EIF4EBP1: variants seen among roughly 807,000 people sequenced by gnomAD.
EIF4EBP1 encodes eukaryotic translation initiation factor 4E binding protein 1.
In EIF4EBP1, 5 loss-of-function variants were observed where a neutral mutation model predicts 9.2. The ratio of observed to expected loss-of-function variants is 0.54; its 90% CI spans 0.28 to 1.14. EIF4EBP1 has a LOEUF of 1.14. Ranked by LOEUF, EIF4EBP1 falls within the 50% of genes most tolerant of loss-of-function variation. EIF4EBP1 has a pLI of 0.09. For missense variants in EIF4EBP1, 139 were observed against 169.6 expected (o/e 0.82, Z 1.00); for synonymous variants, 62 against 67.0 (o/e 0.93, Z 0.36).
At chr8:38,050,203 C>T (rs1399273772) in intron 1 of EIF4EBP1, among the ~76,000 whole-genome samples, 10 of 152,190 alleles carry the variant, frequency 6.6e-5, no homozygotes, top group African/African-American at 2.2e-4. Flanking sequence ...TGAACCACTG[C>T]ACCCGGCCTC....
intron 1 of EIF4EBP1, among the ~76,000 whole-genome samples, chr8:38,046,714 T>TG (rs1809453623): frequency 6.6e-6 from 1 of 152,150 alleles, no homozygotes; most frequent in South Asian, 2.1e-4. Context: ...TCGTCGCCAA[T>TG]CTGGAGAAGC....
intron 1 of EIF4EBP1, 53 bp downstream of exon 1, chr8:38,030,771 TCGGGAATCGCGGATTGGAC>T: frequency 7.3e-7 from 1 of 1,372,920 alleles, no homozygotes; most frequent in Non-Finnish European, 9.3e-7. Context: ...GGCGGGAGGA[TCGGGAATCGCGGATTGGAC>T]CGGGTGTCCA....
chr8:38,032,496 T>G (rs1490088744), intron 1 of EIF4EBP1, among the ~76,000 whole-genome samples: 2 of 152,168 alleles, frequency 1.3e-5, no homozygotes, highest in Non-Finnish European at 2.9e-5. Flanking sequence ...CGAGACCCTA[T>G]CTCTAAAATA....
chr8:38,044,756 A>G (rs1258180714), intron 1 of EIF4EBP1, among the ~76,000 whole-genome samples: 2 of 152,136 alleles, frequency 1.3e-5, no homozygotes, highest in African/African-American at 4.8e-5. Flanking sequence ...AGTAGGAGGC[A>G]TTTAGGATTG....
intron 1 of EIF4EBP1, among the ~76,000 whole-genome samples, chr8:38,044,698 C>T (rs1809428458): frequency 1.3e-5 from 2 of 152,178 alleles, no homozygotes; most frequent in African/African-American, 2.4e-5. Flanking sequence ...CCTTGGCCTC[C>T]CAAAGCATTG....
At chr8:38,049,084 C>T (rs1809483013) in intron 1 of EIF4EBP1, among the ~76,000 whole-genome samples, 1 of 148,904 alleles carries the variant, frequency 6.7e-6, no homozygotes, top group Non-Finnish European at 1.5e-5. Flanking sequence ...GAGATTGCGC[C>T]ATTGCACTCC....
chr8:38,036,516 A>G (rs1349474995), intron 1 of EIF4EBP1, among the ~76,000 whole-genome samples: 1 of 152,184 alleles, frequency 6.6e-6, no homozygotes, highest in East Asian at 1.9e-4. Flanking sequence ...AAAAGACCAA[A>G]AAAGTCCTTC....
chr8:38,030,564 A>G lies in EIF4EBP1; in HGVS notation c.-10A>G, dbSNP rs2130374199. ...AGCGAGAGGTTCGCGGGTGCAGCGC[A>G]CAGGAGACCATGTCCGGGGGCAGCA... On this transcript the variant is annotated 5_prime_UTR_variant, in exon 1 of 3. Coordinates refer to ENST00000338825, the MANE Select transcript of EIF4EBP1 (RefSeq NM_004095.4). 5.3e-6 allele frequency: 8 copies of G among 1,512,418 alleles called. No individual in the cohort carries two copies. Among genetic ancestry groups the G allele is most frequent in the Non-Finnish European group, 7.0e-6 (8 of 1,136,930 alleles). 93.7% of individuals were successfully genotyped at this position (1,512,418 alleles called of 1,614,324 possible). A position where few individuals can be genotyped will look rare whatever the true frequency, so the allele number is the denominator to read the frequency against.
At chr8:38,032,735 C>T (rs1473314709) in intron 1 of EIF4EBP1, among the ~76,000 whole-genome samples, 3 of 152,256 alleles carry the variant, frequency 2.0e-5, no homozygotes, top group Non-Finnish European at 4.4e-5. Flanking sequence ...ACTGTTTGGT[C>T]GTCCAGTGGA....
intron 1 of EIF4EBP1, among the ~76,000 whole-genome samples, chr8:38,036,207 TA>T (rs1809300278): frequency 6.6e-6 from 1 of 151,934 alleles, no homozygotes; most frequent in African/African-American, 2.4e-5. Flanking sequence ...TCTGACCCTC[TA>T]GTTTTTTATT....
At chr8:38,040,812 G>A (rs924649472) in intron 1 of EIF4EBP1, among the ~76,000 whole-genome samples, 9 of 152,134 alleles carry the variant, frequency 5.9e-5, no homozygotes, top group African/African-American at 2.2e-4. Flanking sequence ...GTATTCTGTC[G>A]GTCAAAGCAA....
chr8:38,057,280 C>G lies in EIF4EBP1; in HGVS notation c.325+20C>G. On this transcript the variant is annotated intron_variant, in intron 2 of 2. Transcript: ENST00000338825. ...CGGGCGGTGAGTGTCGGGGCTTGGC[C>G]AGGCTCTACCTTGGGAAAGGGAATG... 1 of 1,482,936 alleles carries G rather than the reference C, an allele frequency of 6.7e-7. No individual in the cohort carries two copies. Among genetic ancestry groups the G allele is most frequent in the Non-Finnish European group, 9.0e-7 (1 of 1,114,150 alleles). 91.9% of individuals were successfully genotyped at this position (1,482,936 alleles called of 1,614,324 possible).
chr8:38,041,807 A>T (rs1809384336), intron 1 of EIF4EBP1, among the ~76,000 whole-genome samples: 1 of 152,196 alleles, frequency 6.6e-6, no homozygotes, highest in Non-Finnish European at 1.5e-5. Context: ...CTTGGGCAAC[A>T]TAGTGAGACC....
intron 1 of EIF4EBP1, among the ~76,000 whole-genome samples, chr8:38,053,381 C>T (rs1378156792): frequency 2.0e-5 from 3 of 152,088 alleles, no homozygotes; most frequent in East Asian, 1.9e-4. Context: ...TGGAGGGCAG[C>T]GGCGCGATCT....
At chr8:38,048,350 A>G (rs1160444820) in intron 1 of EIF4EBP1, among the ~76,000 whole-genome samples, 1 of 152,172 alleles carries the variant, frequency 6.6e-6, no homozygotes, top group East Asian at 1.9e-4. Context: ...GCCAAGTACT[A>G]TCTATAATAA....
chr8:38,041,750 G>A (rs1809383568), intron 1 of EIF4EBP1, among the ~76,000 whole-genome samples: 1 of 152,198 alleles, frequency 6.6e-6, no homozygotes, highest in African/African-American at 2.4e-5. Context: ...CAGCACTGTG[G>A]GAAGCCAAGG....
intron 1 of EIF4EBP1, among the ~76,000 whole-genome samples, chr8:38,031,252 C>T (rs1317686867): frequency 6.6e-6 from 1 of 152,180 alleles, no homozygotes; most frequent in Non-Finnish European, 1.5e-5. Flanking sequence ...CTCCCGGGCA[C>T]CTGTGGCACG....
At chr8:38,059,865 C>A in intron 2 of EIF4EBP1, 39 bp from the exon 3 acceptor site, 1 of 1,596,222 alleles carries the variant, frequency 6.3e-7, no homozygotes, top group Non-Finnish European at 8.6e-7. Context: ...CAAGCATTCA[C>A]CCATTGTTGA....
intron 1 of EIF4EBP1, among the ~76,000 whole-genome samples, chr8:38,034,921 G>A (rs369178916): frequency 2.0e-5 from 3 of 152,232 alleles, no homozygotes; most frequent in Non-Finnish European, 2.9e-5. Flanking sequence ...AGGGAGAAAC[G>A]ATGGACCCTC....
Sources: gnomAD v4.1 joint callset for allele counts (sites outside exome capture counted in the v4.1 genomes callset) on GRCh38, gnomAD v4.1.1 for gene constraint, MANE v1.5 for transcripts, NCBI Gene and HGNC (gene_info 2026-07-23, HGNC 2026-07-21) for gene names.